NPIPA6: variants seen among roughly 807,000 people sequenced by gnomAD.
The protein encoded by NPIPA6 is nuclear pore complex interacting protein family, member A6.
At chr16:16,338,028 C>CT in the NPIPA6 span, among the ~76,000 whole-genome samples, 1 of 79,210 alleles carries the variant, frequency 1.3e-5, no homozygotes, top group Non-Finnish European at 2.4e-5. Flanking sequence ...CATAGGTACT[C>CT]TTTTGTGTCT....
the NPIPA6 span, among the ~76,000 whole-genome samples, chr16:16,343,713 TTGTGTGTGTG>T: frequency 3.3e-3 from 268 of 81,532 alleles, 1 homozygote; most frequent in African/African-American, 0.011. Context: ...TTCTTGTGTG[TTGTGTGTGTG>T]TGTGTGTGTG....
chr16:16,343,413 T>TTG, the NPIPA6 span, among the ~76,000 whole-genome samples: 1 of 45,248 alleles, frequency 2.2e-5, no homozygotes, highest in African/African-American at 1.1e-4. Context: ...TTTTTTTTTT[T>TTG]GAGACAGAGT....
chr16:16,348,968 T>G, the NPIPA6 span: 16 of 1,333,994 alleles, frequency 1.2e-5, 4 homozygotes, highest in Non-Finnish European at 1.5e-5. Flanking sequence ...TCCGTATTTG[T>G]AATAGCAAAT....
chr16:16,336,804 T>C, the NPIPA6 span: 1 of 5,908 alleles, frequency 1.7e-4, no homozygotes, highest in Non-Finnish European at 3.0e-4. Flanking sequence ...GCTGCTCTTT[T>C]GGCTCCTGCT....
At chr16:16,338,335 G>C in the NPIPA6 span, among the ~76,000 whole-genome samples, 1 of 101,684 alleles carries the variant, frequency 9.8e-6, no homozygotes, top group East Asian at 3.7e-4. Flanking sequence ...AACAATCTTA[G>C]AGAAATCCCA....
the NPIPA6 span, among the ~76,000 whole-genome samples, chr16:16,337,770 G>T: frequency 7.6e-6 from 1 of 131,238 alleles, no homozygotes; most frequent in Non-Finnish European, 1.6e-5. Flanking sequence ...AGCTAATTTT[G>T]TATTTTTAGT....
the NPIPA6 span, among the ~76,000 whole-genome samples, chr16:16,343,350 C>T: frequency 2.0e-5 from 2 of 99,314 alleles, no homozygotes; most frequent in Admixed American, 1.9e-4. Context: ...CTCGGCCTCC[C>T]AAAGTGCTGG....
At chr16:16,342,780 TC>T in the NPIPA6 span, among the ~76,000 whole-genome samples, 2 of 39,196 alleles carry the variant, frequency 5.1e-5, no homozygotes, top group Non-Finnish European at 9.7e-5. Context: ...AATATGGAAA[TC>T]TTGGTGGGAA....
the NPIPA6 span, chr16:16,336,615 TC>T: frequency 2.6e-5 from 5 of 191,508 alleles, no homozygotes; most frequent in Admixed American, 8.4e-5. Flanking sequence ...TCGGGCCCGG[TC>T]CCCGTCCCCT....
chr16:16,344,009 G>A, the NPIPA6 span: 5 of 27,802 alleles, frequency 1.8e-4, no homozygotes, highest in African/African-American at 8.7e-4. Context: ...ATGAGCCACC[G>A]TGCCCAGCCG....
At chr16:16,343,222 A>AGCTGGGACTACAG in the NPIPA6 span, among the ~76,000 whole-genome samples, 1 of 146,810 alleles carries the variant, frequency 6.8e-6, no homozygotes, top group South Asian at 2.2e-4. Context: ...CCTCCCGAGT[A>AGCTGGGACTACAG]GCTGGGACTA....
the NPIPA6 span, among the ~76,000 whole-genome samples, chr16:16,343,782 G>A: frequency 1.5e-5 from 1 of 65,024 alleles, no homozygotes; most frequent in East Asian, 8.8e-4. Flanking sequence ...GTGCAGTGGT[G>A]TGATCTCGGC....
At chr16:16,333,626 A>ACCGCTGCCCGCTGG in the NPIPA6 span, 1 of 678,250 alleles carries the variant, frequency 1.5e-6, no homozygotes, top group African/African-American at 1.9e-5. Context: ...CTGCCCGCTG[A>ACCGCTGCCCGCTGG]CCACTGCCCT....
chr16:16,338,635 C>T, the NPIPA6 span, among the ~76,000 whole-genome samples: 46 of 55,432 alleles, frequency 8.3e-4, no homozygotes, highest in African/African-American at 2.4e-3. Context: ...CCACCCACCT[C>T]GGCTTCCCAA....
the NPIPA6 span, chr16:16,336,613 GGTCCCC>G: frequency 5.1e-6 from 1 of 196,664 alleles, no homozygotes. Flanking sequence ...GATCGGGCCC[GGTCCCC>G]GTCCCCTTCC....
At chr16:16,336,561 C>T in the NPIPA6 span, 1 of 205,282 alleles carries the variant, frequency 4.9e-6, no homozygotes, top group Non-Finnish European at 9.2e-6. Context: ...TCCCCCCTTC[C>T]CCTCCCCTTC....
At chr16:16,343,740 T>TGTGA in the NPIPA6 span, among the ~76,000 whole-genome samples, 4 of 73,518 alleles carry the variant, frequency 5.4e-5, no homozygotes, top group Admixed American at 3.2e-4. Context: ...TGTGTGTGTG[T>TGTGA]GACAGAGTCT....
chr16:16,337,345 C>A, the NPIPA6 span: 1 of 78,524 alleles, frequency 1.3e-5, no homozygotes. Context: ...CTGCCTCAGC[C>A]TCCTGAGCAG....
the NPIPA6 span, among the ~76,000 whole-genome samples, chr16:16,337,165 CAAACA>C: frequency 2.0e-5 from 2 of 99,626 alleles, no homozygotes; most frequent in Non-Finnish European, 3.9e-5. Context: ...TTGTCTCTAA[CAAACA>C]AAACGGACCA....
Sources: allele counts gnomAD v4.1 joint callset (sites outside exome capture counted in the v4.1 genomes callset), GRCh38; gene constraint gnomAD v4.1.1; transcripts MANE v1.5; gene names NCBI Gene and HGNC (gene_info 2026-07-23, HGNC 2026-07-21).